KMT5B: variants seen among roughly 807,000 people sequenced by gnomAD.
KMT5B encodes the protein lysine methyltransferase 5B.
A neutral mutation model predicts 83.2 loss-of-function variants in KMT5B; 10 were observed. The ratio of observed to expected loss-of-function variants is 0.12; its 90% CI spans 0.07 to 0.20. The LOEUF is 0.20. KMT5B is among the 10% of genes least tolerant of loss of function. The pLI, the probability that KMT5B is intolerant of heterozygous loss-of-function variation, is 1.00. For missense variants in KMT5B, 753 were observed against 1,067.2 expected, an observed-to-expected ratio of 0.71 and a Z score of 4.10; for synonymous variants, 349 against 388.8, an observed-to-expected ratio of 0.90 and a Z score of 1.20.
intron 1 of KMT5B, among the ~76,000 whole-genome samples, chr11:68,200,020 G>A (rs1859232224): frequency 1.3e-5 from 2 of 152,090 alleles, no homozygotes; most frequent in African/African-American, 4.8e-5. Flanking sequence ...GTCTTTTTTG[G>A]TTTTAGTCAC....
At chr11:68,206,603 G>C (rs80030421) in intron 1 of KMT5B, among the ~76,000 whole-genome samples, 2 of 152,090 alleles carry the variant, frequency 1.3e-5, no homozygotes, top group East Asian at 1.9e-4. Flanking sequence ...TAACTTCACC[G>C]ATGCCCCACC....
intron 10 of KMT5B, among the ~76,000 whole-genome samples, chr11:68,160,230 G>A (rs763165437): frequency 2.6e-5 from 4 of 152,172 alleles, no homozygotes; most frequent in Non-Finnish European, 5.9e-5. Context: ...CTTCTCAAAA[G>A]GCTTCATTTG....
chr11:68,171,503 T>G lies in KMT5B; in HGVS notation c.820+40A>C. The G allele has an allele frequency of 6.3e-7, 1 of 1,592,490 alleles. No homozygotes were observed. The highest frequency in any genetic ancestry group is 8.6e-7 in the Non-Finnish European group (1 of 1,168,690). On this transcript the variant is annotated intron_variant, in intron 7 of 10. Transcript: ENST00000304363. This position sits in a 1 kb window ranked among gnomAD's most constrained non-coding sequence, Gnocchi z 5.1. The stretch of plus-strand genomic sequence containing the variant: ...AGGCCATTCTAGCAGTTAGCAGGAA[T>G]GGCCAACACTAGCGCCAACACCTTG...
intron 1 of KMT5B, among the ~76,000 whole-genome samples, chr11:68,192,985 T>C (rs563532938): frequency 4.1e-4 from 62 of 152,192 alleles, no homozygotes; most frequent in Non-Finnish European, 7.9e-4. Context: ...TAATTTATAA[T>C]GACCTTTGGA....
chr11:68,197,277 A>C lies in KMT5B; in HGVS notation c.-76-7125T>G, dbSNP rs189855686. Among the ~76,000 whole-genome samples the C allele has an allele frequency of 5.7e-3, 874 of 152,264 alleles. 1 individual carries two copies. The highest frequency in any genetic ancestry group is 0.01 in the Non-Finnish European group (685 of 68,014). ...CGTGAGCCACCACGCCCGGCCATGGAAAGTCTTTAAGTCCCAACCAAGATG... is the reference window on the plus strand; with the variant it reads ...CGTGAGCCACCACGCCCGGCCATGGCAAGTCTTTAAGTCCCAACCAAGATG... On this transcript the variant is annotated intron_variant, in intron 1 of 10. Transcript: ENST00000304363.
Position 68,159,145 on chromosome 11 carries a change from C to A in KMT5B, c.1201G>T (p.Val401Leu), listed in dbSNP as rs547961826. The change falls in exon 11 of 11, where the codon GTA becomes TTA. Residue 401 changes from valine to leucine, a missense_variant. Val to Leu is a conservative substitution (Grantham distance 32). Around this residue, in one of 9 missense-constraint regions of KMT5B, gnomAD observed 397 missense variants for 395.9 expected, o/e 1.00. Transcript: ENST00000304363. ...GTTCTGCTCTTGCTATTCTTTTTTACGCCAACTGAAGATTTTCGGTTAGAA... is the reference window on the plus strand; with the variant it reads ...GTTCTGCTCTTGCTATTCTTTTTTAAGCCAACTGAAGATTTTCGGTTAGAA... ...ATSNRKSSVGVKKNSKSRTLT... is the reference protein window; with the variant it reads ...ATSNRKSSVGLKKNSKSRTLT... 1 of 1,574,458 alleles carries A rather than the reference C, an allele frequency of 6.4e-7. No homozygotes were observed. The highest frequency in any genetic ancestry group is 8.6e-7 in the Non-Finnish European group (1 of 1,167,632).
chr11:68,164,595 C>G (rs1277176270), intron 10 of KMT5B: 12 of 490,002 alleles, frequency 2.4e-5, no homozygotes, highest in Non-Finnish European at 4.9e-5. Flanking sequence ...TGAGCTCCTT[C>G]AGAGAGAGCA....
intron 3 of KMT5B, 78 bp from the exon 4 acceptor site, chr11:68,180,278 A>G: frequency 2.7e-6 from 4 of 1,502,048 alleles, no homozygotes; most frequent in Non-Finnish European, 3.6e-6. Context: ...AAACAGACTT[A>G]CAATATTCGT....
At chr11:68,166,500 C>CA in intron 10 of KMT5B, 3 of 1,002,816 alleles carry the variant, frequency 3.0e-6, no homozygotes, top group Non-Finnish European at 3.6e-6. Context: ...TGAACTGAGT[C>CA]AGTTCGTTTT....
chr11:68,202,814 T>G (rs1013300570), intron 1 of KMT5B, among the ~76,000 whole-genome samples: 1 of 152,082 alleles, frequency 6.6e-6, no homozygotes, highest in Non-Finnish European at 1.5e-5. Context: ...CCCAAAGTAC[T>G]GGGATTACAG....
chr11:68,191,849 T>TAGGTC (rs1858117899), intron 1 of KMT5B, among the ~76,000 whole-genome samples: 1 of 152,234 alleles, frequency 6.6e-6, no homozygotes, highest in Non-Finnish European at 1.5e-5. Flanking sequence ...GTCTACGCAA[T>TAGGTC]TACTCACCAC....
At chr11:68,178,646 G>A (rs1424515952) in intron 4 of KMT5B, among the ~76,000 whole-genome samples, 3 of 152,214 alleles carry the variant, frequency 2.0e-5, no homozygotes, top group Non-Finnish European at 2.9e-5. Context: ...AGACAGGCAG[G>A]AGATGAGACA....
chr11:68,157,892 A>G lies in KMT5B; in HGVS notation c.2454T>C (p.Tyr818=), dbSNP rs1221612309. 9 of 1,613,988 alleles carry G rather than the reference A, an allele frequency of 5.6e-6. No homozygotes were observed. Among genetic ancestry groups the G allele is most frequent in the Middle Eastern group, 3.3e-4 (2 of 6,062 alleles). Residue 818 remains tyrosine (Y), a synonymous_variant, in exon 11 of 11, where the codon TAT becomes TAC. Transcript: ENST00000304363. ...LLESRMEVDD[Y]SQYEEESTDD... ...CTGTACTTTCTTCCTCATACTGACT[A>G]TAGTCATCCACCTCCATTCGAGACT...
intron 9 of KMT5B, among the ~76,000 whole-genome samples, chr11:68,170,637 A>G (rs1855752581): frequency 6.6e-6 from 1 of 152,202 alleles, no homozygotes; most frequent in African/African-American, 2.4e-5. Flanking sequence ...ACACAGCTTG[A>G]TAATATGCAA....
Position 68,157,130 on chromosome 11 carries a change from A to C in KMT5B, c.*558T>G, listed in dbSNP as rs952763688. 1 of 151,678 alleles carries C rather than the reference A, an allele frequency of 6.6e-6. No homozygotes were observed. The highest frequency in any genetic ancestry group is 2.4e-5 in the African/African-American group (1 of 41,236). 9.4% of individuals were successfully genotyped at this position (151,678 alleles called of 1,614,324 possible). A position where few individuals can be genotyped will look rare whatever the true frequency, so the allele number is the denominator to read the frequency against. ...TTTTAAGAAACCAATCTGACTCCCA[A>C]CCAATGGTTTGCGATATTAACAAAG... is the stretch of plus-strand genomic sequence containing the variant. On this transcript the variant is annotated 3_prime_UTR_variant, in exon 11 of 11. Transcript: ENST00000304363.
At chr11:68,195,494 C>CA (rs1421955989) in intron 1 of KMT5B, among the ~76,000 whole-genome samples, 1 of 152,192 alleles carries the variant, frequency 6.6e-6, no homozygotes, top group African/African-American at 2.4e-5. Context: ...TTGCAAGTCA[C>CA]ACTCTTATCT....
At chr11:68,207,636 C>T (rs1860299151) in intron 1 of KMT5B, among the ~76,000 whole-genome samples, 1 of 151,340 alleles carries the variant, frequency 6.6e-6, no homozygotes, top group Admixed American at 6.6e-5. Context: ...ACTAAAAATA[C>T]AAAAATTAGC....
In KMT5B at chr11:68,173,927, A is replaced by G. The variant is rs542211090; in HGVS notation, c.544-14T>C. Reference sequence around the variant, plus strand: ...ATAAATAAATACCTAAAACAGGAAAAAAAAATTGATAATGACTTTAAATGG... The same window carrying G: ...ATAAATAAATACCTAAAACAGGAAAGAAAAATTGATAATGACTTTAAATGG... On this transcript the variant is annotated splice_polypyrimidine_tract_variant and intron_variant, in intron 5 of 10. Transcript: ENST00000304363. The G allele has an allele frequency of 2.7e-4, 417 of 1,540,516 alleles. 2 individuals carry two copies. Among genetic ancestry groups the G allele is most frequent in the Admixed American group, 3.3e-4 (19 of 56,956 alleles).
At chr11:68,193,251 G>A (rs1858299126) in intron 1 of KMT5B, among the ~76,000 whole-genome samples, 1 of 152,174 alleles carries the variant, frequency 6.6e-6, no homozygotes, top group South Asian at 2.1e-4. Context: ...GTAGAACCCA[G>A]CACTGCTGCC....
Sources: gnomAD v4.1 joint callset for allele counts (sites outside exome capture counted in the v4.1 genomes callset) on GRCh38, gnomAD v4.1.1 for gene constraint, gnomAD v4.1.1 regional missense constraint, Gnocchi (gnomAD v3.1) non-coding constraint, MANE v1.5 for transcripts, NCBI Gene and HGNC (gene_info 2026-07-23, HGNC 2026-07-21) for gene names.